The following PLEKHA1 variants were observed in gnomAD, a reference collection of about 807,000 sequenced individuals.
PLEKHA1 encodes pleckstrin homology domain-containing family A member 1.
Under a neutral mutation model 52.0 loss-of-function variants are expected in PLEKHA1, and 34 were observed. That is an observed-to-expected ratio of 0.65 (90% CI 0.50 to 0.87). The LOEUF is 0.87. PLEKHA1 is among the 40% of genes least tolerant of loss of function. PLEKHA1 has a pLI of 0.00. For synonymous variants in PLEKHA1, 163 were observed against 170.7 expected (o/e 0.95, Z 0.35); for missense variants, 497 against 504.2 (o/e 0.99, Z 0.14).
chr10:122,420,214 C>A (rs2097239755), intron 8 of PLEKHA1: 1 of 152,186 alleles, frequency 6.6e-6, no homozygotes, highest in Non-Finnish European at 1.5e-5. Flanking sequence ...TTCAGAAGAT[C>A]TGGAATCTGA....
At chr10:122,423,975 G>A (rs2097300014) in intron 8 of PLEKHA1, 1 of 549,358 alleles carries the variant, frequency 1.8e-6, no homozygotes, top group African/African-American at 2.0e-5. Flanking sequence ...GTGAATAAGG[G>A]CCGTATGCAG....
chr10:122,397,279 G>A (rs1263171986), intron 2 of PLEKHA1, among the ~76,000 whole-genome samples: 6 of 152,094 alleles, frequency 3.9e-5, no homozygotes. Context: ...AACCAGAGAT[G>A]ATTCTCCCTC....
chr10:122,411,999 A>G (rs998407770), intron 5 of PLEKHA1: 6 of 152,254 alleles, frequency 3.9e-5, no homozygotes, highest in African/African-American at 9.6e-5. Context: ...CATTTTATTC[A>G]CAGCCTTAAA....
intron 3 of PLEKHA1, among the ~76,000 whole-genome samples, chr10:122,398,650 TTTG>T (rs2096885008): frequency 6.6e-6 from 1 of 151,674 alleles, no homozygotes; most frequent in African/African-American, 2.4e-5. Context: ...GTAATAAAAG[TTTG>T]TTGATTACTT....
intron 5 of PLEKHA1, 181 bp from the exon 6 acceptor site, chr10:122,412,739 T>C: frequency 3.2e-6 from 2 of 624,048 alleles, no homozygotes; most frequent in South Asian, 4.8e-5. Flanking sequence ...AGCTATATTA[T>C]AAAATATTAT....
intron 1 of PLEKHA1, among the ~76,000 whole-genome samples, chr10:122,379,886 T>C (rs970270335): frequency 6.6e-6 from 1 of 152,238 alleles, no homozygotes; most frequent in Non-Finnish European, 1.5e-5. Flanking sequence ...CCTTATTTTT[T>C]GGCTTCCTGG....
Position 122,424,918 on chromosome 10 carries a change from CT to C in PLEKHA1, c.770del (p.Leu257ProfsTer5), listed in dbSNP as rs756371119. ...CAGCGACATAATGATGAGGGACAAC[CT>C]CTTTGAAATTGTAACAACGTCTCGA... ...KQSDIMMRDN[L>X]FEIVTTSRTF... On this transcript the variant is annotated frameshift_variant, in exon 10 of 12. Coordinates refer to ENST00000368990, the MANE Select transcript of PLEKHA1 (RefSeq NM_001001974.4). LOFTEE classifies it high-confidence loss of function. 6.2e-7 allele frequency: 1 copy of C among 1,609,872 alleles called. No homozygotes were observed. The highest frequency in any genetic ancestry group is 1.1e-5 in the South Asian group (1 of 90,318).
chr10:122,384,174 C>T (rs530152163), intron 1 of PLEKHA1, among the ~76,000 whole-genome samples: 3 of 152,014 alleles, frequency 2.0e-5, no homozygotes, highest in Non-Finnish European at 2.9e-5. Context: ...TTCTATTGAA[C>T]GTTTGATATA....
At chr10:122,426,567 C>T (rs955105096) in intron 10 of PLEKHA1, among the ~76,000 whole-genome samples, 1 of 152,110 alleles carries the variant, frequency 6.6e-6, no homozygotes. Flanking sequence ...AAAAGAATGT[C>T]AGAATTTTTA....
rs999947000 is a variant in PLEKHA1, at chr10:122,400,655, C to T, written c.244+267C>T. On this transcript the variant is annotated intron_variant, in intron 4 of 11. Transcript: ENST00000368990. The stretch of plus-strand genomic sequence containing the variant: ...GTTATTTTGGCATTTATAATGATCA[C>T]CTCCAGTGAGATTTCAGGGAATTTT... 9.8e-5 allele frequency among the ~76,000 whole-genome samples: 15 copies of T among 152,292 alleles called. No homozygotes were observed. In the East Asian group the frequency reaches 2.3e-3, roughly 23 times the overall value.
At chr10:122,390,489 GAC>G (rs1207468110) in intron 1 of PLEKHA1, among the ~76,000 whole-genome samples, 1 of 152,132 alleles carries the variant, frequency 6.6e-6, no homozygotes, top group Non-Finnish European at 1.5e-5. Context: ...TTTAAAGCGA[GAC>G]ACTTGGCTGG....
At chr10:122,385,663 C>T (rs73366082) in intron 1 of PLEKHA1, among the ~76,000 whole-genome samples, 2,123 of 152,216 alleles carry the variant, frequency 0.014, 42 homozygotes, top group African/African-American at 0.048. Context: ...GAGATTTATT[C>T]ATGTTGTTGC....
chr10:122,375,157 G>C (rs1343675506), intron 1 of PLEKHA1, among the ~76,000 whole-genome samples: 1 of 151,862 alleles, frequency 6.6e-6, no homozygotes, highest in Non-Finnish European at 1.5e-5. Context: ...GGCCCGCGGC[G>C]GTCGCGGGGC....
intron 5 of PLEKHA1, among the ~76,000 whole-genome samples, chr10:122,407,578 A>G (rs1311354197): frequency 6.6e-6 from 1 of 152,170 alleles, no homozygotes; most frequent in Non-Finnish European, 1.5e-5. Flanking sequence ...TAAAGCCAAC[A>G]ACAACCTTTA....
chr10:122,424,051 G>A, intron 8 of PLEKHA1, 148 bp from the exon 9 acceptor site: 1 of 1,088,008 alleles, frequency 9.2e-7, no homozygotes, highest in Non-Finnish European at 1.3e-6. Flanking sequence ...ATGCTGGATG[G>A]TTTAAGAAGG....
Position 122,397,948 on chromosome 10 carries a change from G to A in PLEKHA1, c.172G>A (p.Ala58Thr). ...ACCTTCTGGATCATCACGTGTTGGA[G>A]CCATTAAGCTTACCTACATTTCAAA... ...NLPSGSSRVG[A>T]IKLTYISKVS... is the part of the protein sequence containing the mutation. Residue 58 changes from alanine (A) to threonine (T), a missense_variant, in exon 3 of 12, where the codon GCC becomes ACC. Transcript: ENST00000368990. The A allele has an allele frequency of 1.2e-6, 2 of 1,608,984 alleles. No homozygotes were observed. Among genetic ancestry groups the A allele is most frequent in the Non-Finnish European group, 1.7e-6 (2 of 1,176,192 alleles).
intron 8 of PLEKHA1, chr10:122,421,919 G>T (rs1419067218): frequency 6.6e-6 from 1 of 150,812 alleles, no homozygotes; most frequent in Non-Finnish European, 1.5e-5. Context: ...AACCCTTGGT[G>T]ATGTGACTGA....
intron 8 of PLEKHA1, chr10:122,423,525 A>C (rs1418744351): frequency 2.6e-5 from 4 of 152,050 alleles, no homozygotes; most frequent in Non-Finnish European, 5.9e-5. Context: ...TCACGCTGTC[A>C]TATTCAATGA....
intron 4 of PLEKHA1, among the ~76,000 whole-genome samples, chr10:122,404,359 T>G (rs533116363): frequency 6.6e-6 from 1 of 152,314 alleles, no homozygotes; most frequent in African/African-American, 2.4e-5. Flanking sequence ...TATATTTGCA[T>G]CTCTTCCTTC....
Sources: allele counts gnomAD v4.1 joint callset (sites outside exome capture counted in the v4.1 genomes callset), GRCh38; gene constraint gnomAD v4.1.1; transcripts MANE v1.5; gene names NCBI Gene and HGNC (gene_info 2026-07-23, HGNC 2026-07-21).